CHST11: variants seen among roughly 807,000 people sequenced by gnomAD.
CHST11 encodes the protein carbohydrate sulfotransferase 11.
A neutral mutation model predicts 30.4 loss-of-function variants in CHST11; 9 were observed. The ratio of observed to expected loss-of-function variants is 0.30; its 90% CI spans 0.18 to 0.52. The LOEUF (loss-of-function observed/expected upper bound fraction) is 0.52. Ranked by LOEUF, CHST11 falls within the 20% of genes least tolerant of loss-of-function variation. The probability of loss-of-function intolerance (pLI) is 0.97; values close to 1 mark genes in which losing one functional copy is unlikely to be tolerated. For missense variants in CHST11, 348 were observed against 460.6 expected (o/e 0.76, Z 2.24); for synonymous variants, 152 against 187.8 (o/e 0.81, Z 1.56).
At chr12:104,710,607 G>T (rs2040079122) in intron 2 of CHST11, among the ~76,000 whole-genome samples, 1 of 152,124 alleles carries the variant, frequency 6.6e-6, no homozygotes, top group African/African-American at 2.4e-5. Flanking sequence ...TTCCTGGAAG[G>T]TCTGGGAGGG....
rs1430400076 is a variant in CHST11 at position 104,606,182 on chromosome 12, G to T, written c.204+4191G>T. Among the ~76,000 whole-genome samples the T allele has an allele frequency of 3.0e-5, 4 of 134,942 alleles. No homozygotes were observed. The Admixed American group carries it at 3.0e-4, about 10-fold the overall frequency. The allele number at this position is 134,942 out of a possible 152,430, so 88.5% of individuals were successfully genotyped here. A position where few individuals can be genotyped will look rare whatever the true frequency, so the allele number is the denominator to read the frequency against. On this transcript the variant is annotated intron_variant, in intron 2 of 2. Coordinates refer to ENST00000303694, the MANE Select transcript of CHST11 (RefSeq NM_018413.6). ...ACTCTCTGGGGCGGGGGGCGGGGGGGGGAATGGCTCCAGGAAAACTGAGAA... is the reference window on the plus strand; with the variant it reads ...ACTCTCTGGGGCGGGGGGCGGGGGGTGGAATGGCTCCAGGAAAACTGAGAA...
At chr12:104,670,204 C>T (rs1404040944) in intron 2 of CHST11, among the ~76,000 whole-genome samples, 1 of 152,144 alleles carries the variant, frequency 6.6e-6, no homozygotes, top group Non-Finnish European at 1.5e-5. Flanking sequence ...GTGAGAGCAG[C>T]CCACAGAGGC....
At chr12:104,495,450 GT>G (rs1328026882) in intron 1 of CHST11, among the ~76,000 whole-genome samples, 1 of 152,054 alleles carries the variant, frequency 6.6e-6, no homozygotes, top group Non-Finnish European at 1.5e-5. Flanking sequence ...GTACACAAGG[GT>G]TCCAGTTTCC....
chr12:104,552,896 G>A (rs2038418479), intron 1 of CHST11: 1 of 152,184 alleles, frequency 6.6e-6, no homozygotes. Flanking sequence ...CACATAGTAG[G>A]TACTCAAATT....
At chr12:104,559,226 A>G (rs2038489858) in intron 1 of CHST11, among the ~76,000 whole-genome samples, 1 of 152,198 alleles carries the variant, frequency 6.6e-6, no homozygotes, top group Admixed American at 6.5e-5. Flanking sequence ...GGACAGGGAT[A>G]GTATTTTGTT....
intron 2 of CHST11, among the ~76,000 whole-genome samples, chr12:104,683,574 T>C (rs2039817848): frequency 6.6e-6 from 1 of 152,034 alleles, no homozygotes; most frequent in South Asian, 2.1e-4. Flanking sequence ...TCCCAGGAAA[T>C]AGTAAGATAT....
At chr12:104,619,590 C>T (rs2039141356) in intron 2 of CHST11, among the ~76,000 whole-genome samples, 2 of 152,070 alleles carry the variant, frequency 1.3e-5, no homozygotes, top group Admixed American at 6.6e-5. Context: ...CAGAATGATT[C>T]GGGGTCTCTT....
intron 2 of CHST11, among the ~76,000 whole-genome samples, chr12:104,633,125 G>C (rs558387847): frequency 6.6e-6 from 1 of 152,220 alleles, no homozygotes; most frequent in African/African-American, 2.4e-5. Flanking sequence ...AGCAGGATGA[G>C]GGGGCTGCCC....
intron 2 of CHST11, among the ~76,000 whole-genome samples, chr12:104,708,433 G>C (rs2062281256): frequency 6.6e-6 from 1 of 152,170 alleles, no homozygotes; most frequent in African/African-American, 2.4e-5. Context: ...GTACGGCATT[G>C]GACCAGCTCC....
At chr12:104,749,856 G>A (rs1566064428) in intron 2 of CHST11, among the ~76,000 whole-genome samples, 1 of 152,162 alleles carries the variant, frequency 6.6e-6, no homozygotes, top group African/African-American at 2.4e-5. Flanking sequence ...GCCTGTCCAG[G>A]GCTGTCCTTA....
At position 104,646,315 on chromosome 12, in the gene CHST11, G is replaced by A. The variant is rs575248327; in HGVS notation, c.204+44324G>A. Among the ~76,000 whole-genome samples the A allele has an allele frequency of 2.0e-5, 3 of 152,098 alleles. No homozygotes were observed. The East Asian group carries it at 5.8e-4, about 29-fold the overall frequency. On this transcript the variant is annotated intron_variant, in intron 2 of 2. Coordinates refer to ENST00000303694, the MANE Select transcript of CHST11 (RefSeq NM_018413.6). Reference sequence around the variant, plus strand: ...CCTCCTCTCACCTCCACTTCACTTGGCCAACACCTACTTAGTCTTCAGACC... The same window carrying A: ...CCTCCTCTCACCTCCACTTCACTTGACCAACACCTACTTAGTCTTCAGACC...
At position 104,470,598 on chromosome 12, in the gene CHST11, C is replaced by A. The variant is rs1030270694; in HGVS notation, c.118+13069C>A. Among the ~76,000 whole-genome samples the A allele has an allele frequency of 1.4e-4, 21 of 152,320 alleles. 1 individual carries two copies. Among genetic ancestry groups the A allele is most frequent in the Admixed American group, 5.9e-4 (9 of 15,302 alleles). On this transcript the variant is annotated intron_variant, in intron 1 of 2. Coordinates refer to ENST00000303694, the MANE Select transcript of CHST11 (RefSeq NM_018413.6). ...TTTTTCTGATGCTTTATGAAAAAAA[C>A]CAGTAACAACAATGACCACTTACCA...
chr12:104,754,100 G>A (rs146357110), intron 2 of CHST11, among the ~76,000 whole-genome samples: 265 of 152,252 alleles, frequency 1.7e-3, no homozygotes, highest in African/African-American at 5.9e-3. Context: ...ACCAGAGGTC[G>A]GTAATTTGCC....
At chr12:104,611,464 A>C (rs962990282) in intron 2 of CHST11, among the ~76,000 whole-genome samples, 2 of 152,204 alleles carry the variant, frequency 1.3e-5, no homozygotes, top group African/African-American at 2.4e-5. Flanking sequence ...CGATTCCACC[A>C]GGCTTTGCGC....
chr12:104,468,997 T>C (rs765749838), intron 1 of CHST11, among the ~76,000 whole-genome samples: 12 of 152,224 alleles, frequency 7.9e-5, no homozygotes, highest in Non-Finnish European at 1.3e-4. Flanking sequence ...AAAAAATGAA[T>C]GTAAAAGCAG....
At chr12:104,591,354 G>A (rs2038856706) in intron 1 of CHST11, among the ~76,000 whole-genome samples, 1 of 152,066 alleles carries the variant, frequency 6.6e-6, no homozygotes, top group Non-Finnish European at 1.5e-5. Context: ...TGGCAGCAGG[G>A]ATACCAGTTA....
intron 1 of CHST11, among the ~76,000 whole-genome samples, chr12:104,486,813 A>T (rs1264949066): frequency 2.6e-5 from 4 of 152,152 alleles, no homozygotes; most frequent in Non-Finnish European, 5.9e-5. Flanking sequence ...CCCTACTCCC[A>T]TTGCAGCTGA....
chr12:104,718,917 A>G (rs1321703275), intron 2 of CHST11, among the ~76,000 whole-genome samples: 1 of 152,226 alleles, frequency 6.6e-6, no homozygotes, highest in Non-Finnish European at 1.5e-5. Context: ...AAGTTACTGA[A>G]GGCTTGAACA....
At chr12:104,748,123 T>C (rs1229105226) in intron 2 of CHST11, among the ~76,000 whole-genome samples, 1 of 152,178 alleles carries the variant, frequency 6.6e-6, no homozygotes, top group Non-Finnish European at 1.5e-5. Flanking sequence ...TTTATACTTT[T>C]GAGAGATCAA....
Sources: allele counts gnomAD v4.1 joint callset (sites outside exome capture counted in the v4.1 genomes callset), GRCh38; gene constraint gnomAD v4.1.1; transcripts MANE v1.5; gene names NCBI Gene and HGNC (gene_info 2026-07-23, HGNC 2026-07-21).